Variants in ERBB4 observed in about 807,000 individuals in gnomAD.
The protein encoded by ERBB4 is erb-b2 receptor tyrosine kinase 4.
A neutral mutation model predicts 158.0 loss-of-function variants in ERBB4; 42 were observed. The ratio of observed to expected loss-of-function variants is 0.27; its 90% confidence interval spans 0.21 to 0.34. ERBB4 has a LOEUF of 0.34. ERBB4 is among the 10% of genes least tolerant of loss of function. The probability of loss-of-function intolerance (pLI) is 1.00; values close to 1 mark genes in which losing one functional copy is unlikely to be tolerated. For synonymous variants in ERBB4, 583 were observed against 558.7 expected, an observed-to-expected ratio of 1.04 and a Z score of -0.61; for missense variants, 1,333 against 1,624.1, an observed-to-expected ratio of 0.82 and a Z score of 3.08.
At chr2:212,099,326 C>T (rs960364624) in intron 2 of ERBB4, among the ~76,000 whole-genome samples, 2 of 151,866 alleles carry the variant, frequency 1.3e-5, no homozygotes, top group South Asian at 2.1e-4. Flanking sequence ...ATATGAGATA[C>T]CTTATTTTAC....
At chr2:212,331,739 C>A (rs1037185248) in intron 1 of ERBB4, among the ~76,000 whole-genome samples, 1 of 151,964 alleles carries the variant, frequency 6.6e-6, no homozygotes, top group Non-Finnish European at 1.5e-5. Context: ...AAATACAAAT[C>A]TTCTTTTGTT....
chr2:211,719,397 G>A (rs1243622561), intron 7 of ERBB4, among the ~76,000 whole-genome samples: 2 of 151,710 alleles, frequency 1.3e-5, no homozygotes, highest in African/African-American at 2.4e-5. Flanking sequence ...CCTTTTTCCC[G>A]AACACAGTCA....
At chr2:211,976,859 G>A (rs1030297193) in intron 2 of ERBB4, among the ~76,000 whole-genome samples, 2 of 152,038 alleles carry the variant, frequency 1.3e-5, no homozygotes, top group Non-Finnish European at 2.9e-5. Context: ...TGACTTACAC[G>A]TTGCAAGAAA....
chr2:212,342,753 CT>C (rs2088784289), intron 1 of ERBB4, among the ~76,000 whole-genome samples: 1 of 152,174 alleles, frequency 6.6e-6, no homozygotes, highest in African/African-American at 2.4e-5. Context: ...GACTTCTCAT[CT>C]CTTTAATAAA....
intron 1 of ERBB4, among the ~76,000 whole-genome samples, chr2:212,415,192 G>A (rs930243077): frequency 6.6e-6 from 1 of 152,086 alleles, no homozygotes; most frequent in East Asian, 1.9e-4. Context: ...AACTGGGAAA[G>A]GAAATACTTT....
chr2:212,416,755 C>A (rs1200480177), intron 1 of ERBB4, among the ~76,000 whole-genome samples: 1 of 152,060 alleles, frequency 6.6e-6, no homozygotes, highest in Non-Finnish European at 1.5e-5. Flanking sequence ...TCCCTTAATG[C>A]AGTCTACAGG....
chr2:211,509,461 A>AT (rs2065835938), intron 20 of ERBB4, among the ~76,000 whole-genome samples: 1 of 152,174 alleles, frequency 6.6e-6, no homozygotes, highest in African/African-American at 2.4e-5. Flanking sequence ...TGGATTAAAA[A>AT]TTTAAATGTA....
At chr2:212,196,492 TTCATGTCTAAGTGGGTCCA>T (rs1188738184) in intron 1 of ERBB4, among the ~76,000 whole-genome samples, 1 of 151,942 alleles carries the variant, frequency 6.6e-6, no homozygotes, top group Non-Finnish European at 1.5e-5. Context: ...TAGAAAAAAA[TTCATGTCTAAGTGGGTCCA>T]TGTAGTTCAA....
intron 2 of ERBB4, among the ~76,000 whole-genome samples, chr2:212,072,265 AT>A (rs2078143943): frequency 6.6e-6 from 1 of 151,962 alleles, no homozygotes; most frequent in Admixed American, 6.6e-5. Context: ...TTTATAATTG[AT>A]TAGACAAATC....
At chr2:212,295,104 T>G (rs528679850) in intron 1 of ERBB4, among the ~76,000 whole-genome samples, 7 of 152,228 alleles carry the variant, frequency 4.6e-5, no homozygotes, top group Admixed American at 1.3e-4. Flanking sequence ...AAACAGAGTT[T>G]GTAATCGAGC....
chr2:211,589,735 C>G (rs1392762765), intron 19 of ERBB4, among the ~76,000 whole-genome samples: 1 of 152,034 alleles, frequency 6.6e-6, no homozygotes, highest in East Asian at 1.9e-4. Context: ...CCTAATACTT[C>G]TGAATTCAAA....
At chr2:212,536,756 G>A (rs1203152410) in intron 1 of ERBB4, among the ~76,000 whole-genome samples, 2 of 152,152 alleles carry the variant, frequency 1.3e-5, no homozygotes, top group Non-Finnish European at 2.9e-5. Context: ...CTCGGAGCGG[G>A]GTCCCCCAGT....
At chr2:212,386,135 C>CA (rs111875419) in intron 1 of ERBB4, among the ~76,000 whole-genome samples, 7,021 of 137,582 alleles carry the variant, frequency 0.051, 376 homozygotes, top group African/African-American at 0.13. Context: ...TTTTAAAATA[C>CA]AAAAAAAAAA....
At chr2:212,352,425 T>G (rs1461210672) in intron 1 of ERBB4, among the ~76,000 whole-genome samples, 2 of 151,970 alleles carry the variant, frequency 1.3e-5, no homozygotes, top group Non-Finnish European at 2.9e-5. Context: ...AAGTTCTTCT[T>G]TGGGGAAATA....
chr2:212,368,432 G>A (rs2089968252), intron 1 of ERBB4, among the ~76,000 whole-genome samples: 1 of 152,114 alleles, frequency 6.6e-6, no homozygotes, highest in South Asian at 2.1e-4. Flanking sequence ...GAGGGGAAGA[G>A]TGAGACAGGG....
chr2:212,219,087 A>G (rs1417021473), intron 1 of ERBB4, among the ~76,000 whole-genome samples: 10 of 151,420 alleles, frequency 6.6e-5, no homozygotes, highest in African/African-American at 2.4e-4. Context: ...AGGAAAGAAT[A>G]GAGATTTTGT....
At chr2:211,407,346 G>A (rs1440998595) in intron 25 of ERBB4, among the ~76,000 whole-genome samples, 1 of 152,092 alleles carries the variant, frequency 6.6e-6, no homozygotes, top group Non-Finnish European at 1.5e-5. Context: ...ACTAAGAAGA[G>A]ACTGTAGTAG....
chr2:211,831,578 C>T (rs2077220531), intron 3 of ERBB4, among the ~76,000 whole-genome samples: 1 of 152,040 alleles, frequency 6.6e-6, no homozygotes, highest in African/African-American at 2.4e-5. Context: ...TCCTAACAAA[C>T]TATTAAGTAT....
chr2:212,033,008 G>T (rs1031908876), intron 2 of ERBB4, among the ~76,000 whole-genome samples: 2 of 151,842 alleles, frequency 1.3e-5, no homozygotes, highest in African/African-American at 4.8e-5. Context: ...ACTTCTATGT[G>T]AGAGTTGATA....
Sources: gnomAD v4.1 joint callset for allele counts (sites outside exome capture counted in the v4.1 genomes callset) on GRCh38, gnomAD v4.1.1 for gene constraint, MANE v1.5 for transcripts, NCBI Gene and HGNC (gene_info 2026-07-23, HGNC 2026-07-21) for gene names.